The following CIMAP2 variants were observed in gnomAD, a reference collection of about 807,000 sequenced individuals.
CIMAP2 encodes ciliary microtubule associated protein 2.
the CIMAP2 span, chr1:54,811,765 G>GCCGGGCGGGGGGGCCCCCCCC: frequency 7.7e-7 from 1 of 1,301,330 alleles, no homozygotes; most frequent in Non-Finnish European, 1.1e-6. Flanking sequence ...GGTTCTGACA[G>GCCGGGCGGGGGGGCCCCCCCC]CCTCCATGCC....
At chr1:54,828,861 C>T in the CIMAP2 span, among the ~76,000 whole-genome samples, 2 of 152,080 alleles carry the variant, frequency 1.3e-5, no homozygotes, top group African/African-American at 4.8e-5. Context: ...ATTAAATCTT[C>T]CCAGTGATGT....
chr1:54,807,061 C>G, the CIMAP2 span: 259 of 1,614,010 alleles, frequency 1.6e-4, 2 homozygotes, highest in African/African-American at 3.2e-3. Context: ...GCCCCATACT[C>G]CACGCGTTAT....
At chr1:54,811,765 G>GCCGGGGGGGGGGGCGGGCCCC in the CIMAP2 span, 1 of 1,301,332 alleles carries the variant, frequency 7.7e-7, no homozygotes, top group Non-Finnish European at 1.1e-6. Context: ...GGTTCTGACA[G>GCCGGGGGGGGGGGCGGGCCCC]CCTCCATGCC....
At chr1:54,831,623 A>G in the CIMAP2 span, among the ~76,000 whole-genome samples, 1 of 152,014 alleles carries the variant, frequency 6.6e-6, no homozygotes, top group African/African-American at 2.4e-5. Context: ...ATTGCACTCC[A>G]GCCTGGGTGA....
At chr1:54,813,748 G>A in the CIMAP2 span, 1 of 1,495,012 alleles carries the variant, frequency 6.7e-7, no homozygotes, top group Non-Finnish European at 9.0e-7. Flanking sequence ...GGTTGCGGGG[G>A]AGGGTTGAGA....
At chr1:54,814,459 C>T in the CIMAP2 span, among the ~76,000 whole-genome samples, 1 of 152,202 alleles carries the variant, frequency 6.6e-6, no homozygotes, top group Non-Finnish European at 1.5e-5. Flanking sequence ...CACGGTCTGC[C>T]CCCGCTAGGC....
At chr1:54,807,571 A>G in the CIMAP2 span, 1 of 1,601,402 alleles carries the variant, frequency 6.2e-7, no homozygotes. Flanking sequence ...GACCTGCTTC[A>G]GCAAGAAGAA....
chr1:54,823,626 A>G, the CIMAP2 span, among the ~76,000 whole-genome samples: 2 of 152,132 alleles, frequency 1.3e-5, no homozygotes, highest in Non-Finnish European at 2.9e-5. Context: ...TGATTGTTTT[A>G]TATATCTTTT....
At chr1:54,808,797 G>C in the CIMAP2 span, among the ~76,000 whole-genome samples, 1 of 152,054 alleles carries the variant, frequency 6.6e-6, no homozygotes, top group African/African-American at 2.4e-5. Context: ...GGGCACGAGG[G>C]AGAAAGCAGG....
the CIMAP2 span, among the ~76,000 whole-genome samples, chr1:54,839,280 C>T: frequency 2.0e-5 from 3 of 152,006 alleles, no homozygotes; most frequent in Non-Finnish European, 2.9e-5. Context: ...AGAGGTGGTT[C>T]GGTCAGTCCT....
the CIMAP2 span, among the ~76,000 whole-genome samples, chr1:54,826,876 G>T: frequency 6.6e-6 from 1 of 152,226 alleles, no homozygotes; most frequent in Non-Finnish European, 1.5e-5. Flanking sequence ...TTATCTACTC[G>T]CTGTTTTGGT....
the CIMAP2 span, among the ~76,000 whole-genome samples, chr1:54,823,278 T>C: frequency 3.3e-5 from 5 of 152,186 alleles, no homozygotes; most frequent in African/African-American, 1.2e-4. Flanking sequence ...TTTACTATTG[T>C]TATATTCTTT....
chr1:54,814,829 G>C, the CIMAP2 span: 1 of 1,575,260 alleles, frequency 6.3e-7, no homozygotes, highest in East Asian at 2.2e-5. Context: ...GGTGGAGTCA[G>C]CTGGCCAGAG....
chr1:54,841,866 C>T, the CIMAP2 span: 2 of 1,551,834 alleles, frequency 1.3e-6, no homozygotes, highest in South Asian at 1.2e-5. Flanking sequence ...TCAGATCCTA[C>T]TCCTTAAAGC....
At chr1:54,816,213 C>A in the CIMAP2 span, among the ~76,000 whole-genome samples, 7 of 152,346 alleles carry the variant, frequency 4.6e-5, no homozygotes, top group South Asian at 1.4e-3. Context: ...CTGGCACCTC[C>A]AAAACCTGGG....
chr1:54,831,146 A>G, the CIMAP2 span, among the ~76,000 whole-genome samples: 1 of 152,348 alleles, frequency 6.6e-6, no homozygotes, highest in Middle Eastern at 3.4e-3. Context: ...TTCTCTTCTG[A>G]AACATAAATG....
At chr1:54,825,040 ACTTTT>A in the CIMAP2 span, among the ~76,000 whole-genome samples, 1 of 58,526 alleles carries the variant, frequency 1.7e-5, no homozygotes, top group Non-Finnish European at 3.2e-5. Context: ...ATAGGGAATT[ACTTTT>A]TTTTTTTTTT....
chr1:54,830,137 T>C, the CIMAP2 span, among the ~76,000 whole-genome samples: 13,959 of 152,278 alleles, frequency 0.092, 850 homozygotes, highest in Non-Finnish European at 0.13. This position sits in a 1 kb window ranked among gnomAD's most constrained non-coding sequence, Gnocchi z 4.1. Context: ...AGCTCTAGGA[T>C]CTAAGTGGAA....
At chr1:54,812,129 C>T in the CIMAP2 span, 7 of 1,614,228 alleles carry the variant, frequency 4.3e-6, no homozygotes, top group Non-Finnish European at 5.1e-6. Context: ...CCCGCGGCCC[C>T]TATGACACTT....
Sources: allele counts gnomAD v4.1 joint callset (sites outside exome capture counted in the v4.1 genomes callset), GRCh38; gene constraint gnomAD v4.1.1; non-coding constraint Gnocchi (gnomAD v3.1); transcripts MANE v1.5; gene names NCBI Gene and HGNC (gene_info 2026-07-23, HGNC 2026-07-21).